EIF5A2: variants seen among roughly 807,000 people sequenced by gnomAD.
The protein encoded by EIF5A2 is eukaryotic translation initiation factor 5A2, also known as eukaryotic translation initiation factor 5A-2.
Under a neutral mutation model 16.4 loss-of-function variants are expected in EIF5A2, and 15 were observed. The ratio of observed to expected loss-of-function variants is 0.92; its 90% CI spans 0.61 to 1.41. EIF5A2 has a LOEUF of 1.41. EIF5A2 is among the 40% of genes most tolerant of loss of function. The probability of loss-of-function intolerance (pLI) is 0.00; values close to 1 mark genes in which losing one functional copy is unlikely to be tolerated. For synonymous variants in EIF5A2, 48 were observed against 61.1 expected (o/e 0.79, Z 1.00); for missense variants, 144 against 189.5 (o/e 0.76, Z 1.41).
At chr3:170,893,489 A>G (rs1712584736) in intron 4 of EIF5A2, 70 bp from the exon 5 acceptor site, 1 of 1,497,710 alleles carries the variant, frequency 6.7e-7, no homozygotes, top group Non-Finnish European at 9.2e-7. Flanking sequence ...TTAGTTCCTC[A>G]TATATTGTAT....
Position 170,907,788 on chromosome 3 carries a change from A to C in EIF5A2, c.19T>G (p.Phe7Val), listed in dbSNP as rs781344223. 3.2e-6 allele frequency: 5 copies of C among 1,552,236 alleles called. No individual in the cohort carries two copies. The highest frequency in any genetic ancestry group is 4.4e-6 in the Non-Finnish European group (5 of 1,136,208). ...GAAGCCCCGGCATCTCCAGTAGTGA[A>C]ATCAATTTCGTCTGCCATGGTGGGC... MADEID[F>V]TTGDAGASST... The change falls in exon 2 of 5, where the codon TTC becomes GTC. Residue 7 changes from phenylalanine to valine, a missense_variant. By Grantham distance (50) the Phe-to-Val change is conservative. Coordinates refer to ENST00000295822, the MANE Select transcript of EIF5A2 (RefSeq NM_020390.6).
At chr3:170,902,799 G>GT (rs1239640761) in intron 3 of EIF5A2, among the ~76,000 whole-genome samples, 9 of 152,036 alleles carry the variant, frequency 5.9e-5, no homozygotes, top group Admixed American at 4.6e-4. Context: ...TAGAGACGGG[G>GT]TTTCACCATG....
rs994777305 is a variant in EIF5A2 at position 170,888,861 on chromosome 3, A to G, written c.*4499T>C. 2 of 152,520 alleles carry G rather than the reference A, an allele frequency of 1.3e-5. No homozygotes were observed. The highest frequency in any genetic ancestry group is 2.1e-4 in the South Asian group (1 of 4,836). The allele number at this position is 152,520 out of a possible 1,614,324, so 9.4% of individuals were successfully genotyped here. ...AACAAGCACAAGAATGCTTATTTAT[A>G]GTAGATATTAACCACAATAAATAAC... On this transcript the variant is annotated 3_prime_UTR_variant, in exon 5 of 5. Transcript: ENST00000295822.
chr3:170,906,197 T>C (rs1162819045), intron 3 of EIF5A2, among the ~76,000 whole-genome samples: 1 of 152,156 alleles, frequency 6.6e-6, no homozygotes, highest in African/African-American at 2.4e-5. Flanking sequence ...AGAAATGAGT[T>C]TGATATATGG....
In EIF5A2 at chr3:170,899,168, T is replaced by C. The variant is rs567513973; in HGVS notation, c.271-4745A>G. On this transcript the variant is annotated intron_variant, in intron 3 of 4. Coordinates refer to ENST00000295822, the MANE Select transcript of EIF5A2 (RefSeq NM_020390.6). ...TATTTATCTGGCTATCATGTCAGTTTAGTCTCTTAATTCTAACAGTTTCCT... is the reference window on the plus strand; with the variant it reads ...TATTTATCTGGCTATCATGTCAGTTCAGTCTCTTAATTCTAACAGTTTCCT... Among the ~76,000 whole-genome samples the C allele has an allele frequency of 4.6e-5, 7 of 152,302 alleles. No homozygotes were observed. In the East Asian group the frequency reaches 1.3e-3, roughly 29 times the overall value.
Position 170,903,110 on chromosome 3 carries a change from C to T in EIF5A2, c.270+3879G>A, listed in dbSNP as rs1712854802. On this transcript the variant is annotated intron_variant, in intron 3 of 4. Transcript: ENST00000295822. ...AACAGCTGGCCACCTGACTGTACCC[C>T]TTCCATCATGAAACAGGCAGCAATT... Among the ~76,000 whole-genome samples the T allele has an allele frequency of 3.9e-5, 6 of 151,984 alleles. No individual in the cohort carries two copies. The South Asian group carries it at 1.2e-3, about 32-fold the overall frequency.
chr3:170,895,192 A>G (rs184308655), intron 3 of EIF5A2, among the ~76,000 whole-genome samples: 1 of 152,268 alleles, frequency 6.6e-6, no homozygotes, highest in East Asian at 1.9e-4. Flanking sequence ...CCAATTTCAC[A>G]TTACTGGGCA....
intron 3 of EIF5A2, among the ~76,000 whole-genome samples, chr3:170,903,119 T>C (rs1180874463): frequency 6.6e-6 from 1 of 151,850 alleles, no homozygotes; most frequent in Admixed American, 6.6e-5. Flanking sequence ...CCTTCCATCA[T>C]GAAACAGGCA....
chr3:170,902,546 G>T (rs1712843202), intron 3 of EIF5A2, among the ~76,000 whole-genome samples: 1 of 151,050 alleles, frequency 6.6e-6, no homozygotes, highest in Admixed American at 6.6e-5. Context: ...TGGGGTTACA[G>T]GTGCCTGCCA....
At chr3:170,896,550 T>C (rs1712678159) in intron 3 of EIF5A2, among the ~76,000 whole-genome samples, 1 of 152,194 alleles carries the variant, frequency 6.6e-6, no homozygotes, top group African/African-American at 2.4e-5. Flanking sequence ...TCACTTGCTG[T>C]ATCTCCTGCT....
At chr3:170,904,179 A>C (rs1712878043) in intron 3 of EIF5A2, among the ~76,000 whole-genome samples, 1 of 152,234 alleles carries the variant, frequency 6.6e-6, no homozygotes, top group African/African-American at 2.4e-5. Flanking sequence ...AAGTAATGTA[A>C]ATGAGCAATT....
At chr3:170,899,610 G>A (rs1205096221) in intron 3 of EIF5A2, among the ~76,000 whole-genome samples, 3 of 151,876 alleles carry the variant, frequency 2.0e-5, no homozygotes, top group African/African-American at 7.3e-5. Context: ...CCTATCAGGA[G>A]GCAAATGTCA....
At chr3:170,895,080 T>G (rs1712637404) in intron 3 of EIF5A2, among the ~76,000 whole-genome samples, 1 of 151,808 alleles carries the variant, frequency 6.6e-6, no homozygotes, top group Admixed American at 6.6e-5. Flanking sequence ...GTGAGCTGTT[T>G]TGACTTAATA....
intron 3 of EIF5A2, among the ~76,000 whole-genome samples, chr3:170,897,108 G>C (rs1157903700): frequency 6.6e-6 from 1 of 152,220 alleles, no homozygotes; most frequent in Admixed American, 6.5e-5. Flanking sequence ...GTGTGCAAGA[G>C]GTAACCTGGC....
rs939879333 is a variant in EIF5A2 at position 170,892,584 on chromosome 3, T to C, written c.*776A>G. 8 of 395,154 alleles carry C rather than the reference T, an allele frequency of 2.0e-5. No homozygotes were observed. In the South Asian group the frequency reaches 4.3e-4, roughly 21 times the overall value. 24.5% of individuals were successfully genotyped at this position (395,154 alleles called of 1,614,324 possible). On this transcript the variant is annotated 3_prime_UTR_variant, in exon 5 of 5. Transcript: ENST00000295822. The stretch of plus-strand genomic sequence containing the variant: ...GGGCAAAGTTAAAAGCAAAAACAAC[T>C]GAGAAACAACTTTTCATTTTTATGC...
chr3:170,891,052 T>A lies in EIF5A2; in HGVS notation c.*2308A>T, dbSNP rs1712522127. On this transcript the variant is annotated 3_prime_UTR_variant, in exon 5 of 5. Transcript: ENST00000295822. ...GCCATTCAAAGTATGAAGATAGAGATGCATTATTATAATTTGTACACCCTT... is the reference window on the plus strand; with the variant it reads ...GCCATTCAAAGTATGAAGATAGAGAAGCATTATTATAATTTGTACACCCTT... The A allele has an allele frequency of 4.6e-5, 7 of 152,694 alleles. No homozygotes were observed. In the South Asian group the frequency reaches 1.4e-3, roughly 32 times the overall value. The allele number at this position is 152,694 out of a possible 1,614,324, so 9.5% of individuals were successfully genotyped here.
intron 3 of EIF5A2, among the ~76,000 whole-genome samples, chr3:170,899,920 G>T (rs945513035): frequency 6.6e-6 from 1 of 151,176 alleles, no homozygotes; most frequent in African/African-American, 2.4e-5. Context: ...ATCACTTTTA[G>T]ATGTTTTTGA....
Position 170,894,441 on chromosome 3 carries a change from A to G in EIF5A2, c.271-18T>C. On this transcript the variant is annotated intron_variant, in intron 3 of 4. Coordinates refer to ENST00000295822, the MANE Select transcript of EIF5A2 (RefSeq NM_020390.6). ...CATATCAGCTATTAGAAGAAATTAT[A>G]TCATTTGTGCTGATTAGATTATATC... 2 of 1,612,798 alleles carry G rather than the reference A, an allele frequency of 1.2e-6. No individual in the cohort carries two copies. The highest frequency in any genetic ancestry group is 1.7e-6 in the Non-Finnish European group (2 of 1,179,166).
At chr3:170,907,602 C>A in intron 2 of EIF5A2, 40 bp downstream of exon 2, 1 of 1,518,238 alleles carries the variant, frequency 6.6e-7, no homozygotes. Flanking sequence ...GATCAAAGTC[C>A]CAACGCCGAA....
Sources: allele counts gnomAD v4.1 joint callset (sites outside exome capture counted in the v4.1 genomes callset), GRCh38; gene constraint gnomAD v4.1.1; transcripts MANE v1.5; gene names NCBI Gene and HGNC (gene_info 2026-07-23, HGNC 2026-07-21).